EPC1: variants seen among roughly 807,000 people sequenced by gnomAD.
EPC1 encodes enhancer of polycomb homolog 1.
EPC1 carries 12 observed loss-of-function variants against 98.4 expected under a neutral mutation model. The observed-to-expected ratio is 0.12, with a 90% CI of 0.08 to 0.20. The LOEUF (loss-of-function observed/expected upper bound fraction) is 0.20, where lower values mean the gene tolerates loss of function less well. Among genes scored for constraint, EPC1 ranks in the 10% least tolerant of loss-of-function variants. EPC1 has a pLI of 1.00. For missense variants in EPC1, 729 were observed against 990.5 expected (o/e 0.74, Z 3.54); for synonymous variants, 357 against 363.9 (o/e 0.98, Z 0.21).
At chr10:32,348,502 G>A (rs1250778444), upstream of EPC1, among the ~76,000 whole-genome samples, 2 of 152,226 alleles carry the variant, frequency 1.3e-5, no homozygotes, top group African/African-American at 4.8e-5. Context: ...AGGGCACACA[G>A]GCAAACTGCT....
Position 32,369,713 on chromosome 10 carries a change from G to C in EPC1, c.3+8778C>G, listed in dbSNP as rs563634390. Among the ~76,000 whole-genome samples the C allele has an allele frequency of 5.3e-5, 8 of 152,288 alleles. No individual in the cohort carries two copies. The South Asian group carries it at 1.7e-3, about 32-fold the overall frequency. On this transcript the variant is annotated intron_variant, in intron 1 of 13. Coordinates refer to the EPC1 transcript ENST00000375110. The stretch of plus-strand genomic sequence containing the variant: ...AACACTTGACCTAATGGAGTAAGAG[G>C]TCAGCCTATTAGACTTTTAAGCAGA...
At chr10:32,369,324 A>G (rs539135826) in intron 1 of EPC1, among the ~76,000 whole-genome samples, 84 of 152,370 alleles carry the variant, frequency 5.5e-4, no homozygotes, top group African/African-American at 1.9e-3. Flanking sequence ...TGATGTAGCC[A>G]TAGATTCTAA....
intron 6 of EPC1, among the ~76,000 whole-genome samples, chr10:32,287,532 C>T (rs1836754239): frequency 6.6e-6 from 1 of 152,150 alleles, no homozygotes; most frequent in South Asian, 2.1e-4. Flanking sequence ...AACAGAAGTT[C>T]TCCAACTTCT....
At chr10:32,356,843 G>A (rs1160839111) in intron 1 of EPC1, among the ~76,000 whole-genome samples, 1 of 152,104 alleles carries the variant, frequency 6.6e-6, no homozygotes, top group African/African-American at 2.4e-5. Flanking sequence ...AATTAGCTGG[G>A]CGTGGTGGTG....
At chr10:32,303,667 A>T (rs554911762) in intron 2 of EPC1, among the ~76,000 whole-genome samples, 1 of 152,340 alleles carries the variant, frequency 6.6e-6, no homozygotes, top group East Asian at 1.9e-4. Context: ...GGTTATAAAG[A>T]AGTAAGAAGA....
Position 32,347,131 on chromosome 10 carries a change from A to G in EPC1, c.-216T>C, listed in dbSNP as rs1039965425. On this transcript the variant is annotated 5_prime_UTR_variant, in exon 1 of 14. Coordinates refer to ENST00000319778, the MANE Select transcript of EPC1 (RefSeq NM_001272004.3). The stretch of plus-strand genomic sequence containing the variant: ...TCGCTCTCTTCAATACGCCATGGCC[A>G]ACATGGCGGACATTAAAACTCCACT... 4 of 1,425,748 alleles carry G rather than the reference A, an allele frequency of 2.8e-6. No homozygotes were observed. In the African/African-American group the frequency reaches 5.8e-5, roughly 21 times the overall value. The allele number at this position is 1,425,748 out of a possible 1,614,324, so 88.3% of individuals were successfully genotyped here. A position where few individuals can be genotyped will look rare whatever the true frequency, so the allele number is the denominator to read the frequency against.
intron 1 of EPC1, among the ~76,000 whole-genome samples, chr10:32,360,684 G>A (rs1322728471): frequency 2.0e-5 from 3 of 152,060 alleles, no homozygotes; most frequent in Non-Finnish European, 4.4e-5. Flanking sequence ...ACCTGAGGCC[G>A]GAAGTTCGAG....
rs370370244 is a variant in EPC1 at position 32,368,553 on chromosome 10, T to G, written c.3+9938A>C. Among the ~76,000 whole-genome samples, 44 of 152,268 alleles carry G rather than the reference T, an allele frequency of 2.9e-4. No homozygotes were observed. The East Asian group carries it at 6.7e-3, about 23-fold the overall frequency. ...GGAAGTGTTTTTTTTGTTTGTTTTG[T>G]TTTGGTTTGGTTTTTTAATGTAGTA... On this transcript the variant is annotated intron_variant, in intron 1 of 13. Coordinates refer to the EPC1 transcript ENST00000375110.
intron 1 of EPC1, chr10:32,346,543 G>C: frequency 3.6e-6 from 2 of 555,536 alleles, no homozygotes; most frequent in East Asian, 6.3e-5. Context: ...CCGGGTACAA[G>C]TGGCCAGGGT....
intron 1 of EPC1, among the ~76,000 whole-genome samples, chr10:32,307,288 C>T (rs1204975031): frequency 2.6e-5 from 4 of 152,180 alleles, no homozygotes; most frequent in East Asian, 1.9e-4. Context: ...TTACTATGTA[C>T]AAGATATCTT....
At chr10:32,369,196 C>A (rs555807003) in intron 1 of EPC1, among the ~76,000 whole-genome samples, 1 of 152,048 alleles carries the variant, frequency 6.6e-6, no homozygotes, top group Admixed American at 6.5e-5. Flanking sequence ...GATTGTTCTA[C>A]GAGACAATGT....
intron 2 of EPC1, 96 bp from the exon 3 acceptor site, chr10:32,293,833 A>C: frequency 8.8e-7 from 1 of 1,140,634 alleles, no homozygotes; most frequent in South Asian, 2.0e-5. Context: ...GACTTTCTAA[A>C]GAAATAAGAA....
intron 11 of EPC1, 23 bp downstream of exon 11, chr10:32,273,140 C>G: frequency 1.9e-6 from 3 of 1,614,060 alleles, no homozygotes; most frequent in Non-Finnish European, 2.5e-6. Context: ...GAGGGATAAT[C>G]ATAAGACAGA....
At chr10:32,349,638 A>G (rs1263019515), upstream of EPC1, among the ~76,000 whole-genome samples, 4 of 152,184 alleles carry the variant, frequency 2.6e-5, no homozygotes, top group Non-Finnish European at 5.9e-5. Context: ...CAGTGTCTCT[A>G]TCTCCCAGGC....
chr10:32,369,854 G>A (rs1202008029), intron 1 of EPC1, among the ~76,000 whole-genome samples: 1 of 152,072 alleles, frequency 6.6e-6, no homozygotes, highest in Non-Finnish European at 1.5e-5. Flanking sequence ...ATGTTACAAA[G>A]TACTAAAGAA....
intron 1 of EPC1, among the ~76,000 whole-genome samples, chr10:32,325,831 T>C (rs1227405577): frequency 6.6e-6 from 1 of 151,974 alleles, no homozygotes; most frequent in Non-Finnish European, 1.5e-5. Context: ...TTTCCAGTGA[T>C]AAATGGTAGC....
chr10:32,302,045 G>T (rs111444025), intron 2 of EPC1, among the ~76,000 whole-genome samples: 4,940 of 152,128 alleles, frequency 0.032, 268 homozygotes, highest in African/African-American at 0.11. Flanking sequence ...AGGCCAAGGC[G>T]GGCGGATCAC....
chr10:32,275,880 T>C (rs1836064903), intron 10 of EPC1, among the ~76,000 whole-genome samples: 2 of 151,868 alleles, frequency 1.3e-5, no homozygotes, highest in Non-Finnish European at 2.9e-5. Flanking sequence ...GAGGTTGCAG[T>C]TAGCTGATAT....
At chr10:32,289,646 C>T (rs1208060208) in intron 6 of EPC1, among the ~76,000 whole-genome samples, 2 of 148,738 alleles carry the variant, frequency 1.3e-5, no homozygotes, top group East Asian at 1.9e-4. Flanking sequence ...TTTTTTTAGA[C>T]GGAGTCTCGC....
Sources: gnomAD v4.1 joint callset for allele counts (sites outside exome capture counted in the v4.1 genomes callset) on GRCh38, gnomAD v4.1.1 for gene constraint, MANE v1.5 for transcripts, NCBI Gene and HGNC (gene_info 2026-07-23, HGNC 2026-07-21) for gene names.